Variants in ASAP1 observed in about 807,000 individuals in gnomAD.
The protein encoded by ASAP1 is arf-GAP with SH3 domain, ANK repeat and PH domain-containing protein 1.
Under a neutral mutation model 145.2 loss-of-function variants are expected in ASAP1, and 43 were observed. The observed-to-expected ratio is 0.30, with a 90% CI of 0.23 to 0.38. The LOEUF (loss-of-function observed/expected upper bound fraction) is 0.38, where lower values mean the gene tolerates loss of function less well. Ranked by LOEUF, ASAP1 falls within the 10% of genes least tolerant of loss-of-function variation. The pLI is 1.00. For synonymous variants in ASAP1, 546 were observed against 515.5 expected, an observed-to-expected ratio of 1.06 and a Z score of -0.80; for missense variants, 1,018 against 1,355.3, an observed-to-expected ratio of 0.75 and a Z score of 3.91.
intron 11 of ASAP1, among the ~76,000 whole-genome samples, chr8:130,167,099 T>C (rs950184816): frequency 6.6e-6 from 1 of 151,952 alleles, no homozygotes; most frequent in African/African-American, 2.4e-5. Flanking sequence ...AGTCCAGCAG[T>C]TCAAGACCAG....
At chr8:130,112,543 G>A (rs2097548591) in intron 23 of ASAP1, 1 of 476,964 alleles carries the variant, frequency 2.1e-6, no homozygotes. Flanking sequence ...TCACACTAGT[G>A]AAACACTGGT....
In ASAP1 at chr8:130,172,437, T is replaced by G. The variant is rs552035820; in HGVS notation, c.747-3370A>C. Among the ~76,000 whole-genome samples, 577 of 152,286 alleles carry G rather than the reference T, an allele frequency of 3.8e-3. 8 individuals carry two copies. Among genetic ancestry groups the G allele is most frequent in the African/African-American group, 0.013 (553 of 41,570 alleles). ...CTCCAGAAACTACTGAAATAAACAT[T>G]TTTTAAAAATAAGAGAACACTAATT... On this transcript the variant is annotated intron_variant, in intron 9 of 29. Coordinates refer to ENST00000518721, the MANE Select transcript of ASAP1 (RefSeq NM_018482.4).
intron 1 of ASAP1, among the ~76,000 whole-genome samples, chr8:130,403,301 T>TTTTTAAA (rs60441663): frequency 6.0e-5 from 9 of 151,096 alleles, no homozygotes; most frequent in Admixed American, 2.0e-4. Flanking sequence ...TGTTTTTTTT[T>TTTTTAAA]AAAAAACCCA....
chr8:130,101,609 C>T (rs1384203568), intron 24 of ASAP1, among the ~76,000 whole-genome samples: 1 of 151,654 alleles, frequency 6.6e-6, no homozygotes, highest in Non-Finnish European at 1.5e-5. Flanking sequence ...CTTTCTCTGT[C>T]ACCCAGGCTG....
chr8:130,441,611 C>A (rs1011542668), intron 1 of ASAP1, among the ~76,000 whole-genome samples: 7 of 152,174 alleles, frequency 4.6e-5, no homozygotes, highest in Non-Finnish European at 1.0e-4. Flanking sequence ...CATGGAGATG[C>A]CAGCTGGGAC....
intron 9 of ASAP1, among the ~76,000 whole-genome samples, chr8:130,170,438 A>G (rs1813509244): frequency 6.6e-6 from 1 of 152,152 alleles, no homozygotes; most frequent in African/African-American, 2.4e-5. Context: ...TACAGGTGTG[A>G]GCCACTGCGC....
chr8:130,263,070 T>C (rs552065243), intron 3 of ASAP1, among the ~76,000 whole-genome samples: 1 of 152,292 alleles, frequency 6.6e-6, no homozygotes, highest in East Asian at 1.9e-4. Context: ...CTAATACGAA[T>C]ATGAATTTAC....
At chr8:130,339,910 C>T (rs1300946602) in intron 3 of ASAP1, among the ~76,000 whole-genome samples, 1 of 152,170 alleles carries the variant, frequency 6.6e-6, no homozygotes, top group Non-Finnish European at 1.5e-5. Flanking sequence ...GTCAGTCCTA[C>T]AGACAGTACT....
At chr8:130,219,438 G>A (rs1817154089) in intron 4 of ASAP1, among the ~76,000 whole-genome samples, 1 of 152,192 alleles carries the variant, frequency 6.6e-6, no homozygotes, top group South Asian at 2.1e-4. Flanking sequence ...GGGAATGTCA[G>A]TTCAGAGGTA....
chr8:130,090,067 T>A (rs995131816), intron 25 of ASAP1, among the ~76,000 whole-genome samples: 11 of 149,952 alleles, frequency 7.3e-5, no homozygotes, highest in African/African-American at 2.8e-4. Context: ...TCTTTTAAAG[T>A]AAATTTTGTT....
At chr8:130,089,011 A>C (rs2097499929) in intron 25 of ASAP1, among the ~76,000 whole-genome samples, 1 of 152,210 alleles carries the variant, frequency 6.6e-6, no homozygotes, top group African/African-American at 2.4e-5. Flanking sequence ...ACCTTAGAGC[A>C]CTTTGCTCTG....
chr8:130,193,251 C>G (rs1815262989), intron 5 of ASAP1, among the ~76,000 whole-genome samples: 2 of 152,052 alleles, frequency 1.3e-5, no homozygotes, highest in African/African-American at 4.8e-5. Flanking sequence ...CATCTATAAT[C>G]CCAGCTACTT....
chr8:130,056,975 G>A (rs370386563), intron 29 of ASAP1, among the ~76,000 whole-genome samples: 9 of 152,176 alleles, frequency 5.9e-5, no homozygotes, highest in East Asian at 5.8e-4. Context: ...TCACAGCCTG[G>A]GTACCTAGCA....
At chr8:130,354,357 T>C (rs929525864) in intron 3 of ASAP1, among the ~76,000 whole-genome samples, 1 of 152,188 alleles carries the variant, frequency 6.6e-6, no homozygotes, top group Non-Finnish European at 1.5e-5. Flanking sequence ...ATGCCATGTG[T>C]CGACAGCAGG....
intron 1 of ASAP1, among the ~76,000 whole-genome samples, chr8:130,411,646 G>A (rs1161371462): frequency 6.6e-6 from 1 of 152,016 alleles, no homozygotes; most frequent in Non-Finnish European, 1.5e-5. Flanking sequence ...GTGTTGTTAG[G>A]AGGAAAAAAA....
intron 3 of ASAP1, among the ~76,000 whole-genome samples, chr8:130,275,139 T>C (rs1038066989): frequency 2.0e-5 from 3 of 152,220 alleles, no homozygotes; most frequent in Non-Finnish European, 4.4e-5. Flanking sequence ...AATGAGAGCA[T>C]ATACAAAGCT....
chr8:130,426,497 G>C (rs535403621), intron 1 of ASAP1, among the ~76,000 whole-genome samples: 1 of 151,442 alleles, frequency 6.6e-6, no homozygotes, highest in Non-Finnish European at 1.5e-5. Flanking sequence ...CAGAGCAAAA[G>C]CTAAAGTCCA....
In ASAP1 at chr8:130,150,493, A is replaced by G. The variant is rs1037759261; in HGVS notation, c.1080+2243T>C. ...AGATACAACATGATAAAACCATCAT[A>G]TAACTTCTCAAAATGCCTAGTGAGG... On this transcript the variant is annotated intron_variant, in intron 13 of 29. Transcript: ENST00000518721. Among the ~76,000 whole-genome samples, 6 of 152,210 alleles carry G rather than the reference A, an allele frequency of 3.9e-5. No individual in the cohort carries two copies. The South Asian group carries it at 8.3e-4, about 21-fold the overall frequency.
intron 2 of ASAP1, chr8:130,360,766 A>C (rs1193680288): frequency 6.6e-6 from 1 of 152,292 alleles, no homozygotes. Context: ...CCAGATGATG[A>C]TAGCAGACAG....
Sources: gnomAD v4.1 joint callset for allele counts (sites outside exome capture counted in the v4.1 genomes callset) on GRCh38, gnomAD v4.1.1 for gene constraint, MANE v1.5 for transcripts, NCBI Gene and HGNC (gene_info 2026-07-23, HGNC 2026-07-21) for gene names.